HACD2: variants seen among roughly 807,000 people sequenced by gnomAD.
HACD2 encodes very-long-chain (3R)-3-hydroxyacyl-CoA dehydratase 2.
HACD2 carries 15 observed loss-of-function variants against 31.0 expected under a neutral mutation model. The ratio of observed to expected loss-of-function variants is 0.48; its 90% CI spans 0.32 to 0.75. The LOEUF is 0.75. Among genes scored for constraint, HACD2 ranks in the 30% least tolerant of loss-of-function variants. HACD2 has a pLI of 0.03. For synonymous variants in HACD2, 115 were observed against 122.2 expected, an observed-to-expected ratio of 0.94 and a Z score of 0.39; for missense variants, 283 against 313.0, an observed-to-expected ratio of 0.90 and a Z score of 0.72.
chr3:123,535,741 G>A (rs751592228), intron 3 of HACD2, among the ~76,000 whole-genome samples: 6 of 152,176 alleles, frequency 3.9e-5, no homozygotes, highest in Admixed American at 6.6e-5. Flanking sequence ...ACACTGAGTC[G>A]GAGACTGATA....
At chr3:123,531,405 C>T (rs1351740627) in intron 3 of HACD2, among the ~76,000 whole-genome samples, 8 of 152,046 alleles carry the variant, frequency 5.3e-5, no homozygotes, top group Non-Finnish European at 8.8e-5. Context: ...CTGCAACCTC[C>T]GCCTCCCAGG....
At chr3:123,582,042 C>A (rs1190034667) in intron 2 of HACD2, among the ~76,000 whole-genome samples, 170 bp downstream of exon 2, 1 of 152,098 alleles carries the variant, frequency 6.6e-6, no homozygotes, top group African/African-American at 2.4e-5. Context: ...GAGATTCTAC[C>A]CAATCTAGAA....
intron 4 of HACD2, among the ~76,000 whole-genome samples, chr3:123,504,316 C>G (rs960973310): frequency 6.6e-5 from 10 of 152,080 alleles, no homozygotes; most frequent in African/African-American, 2.4e-4. Context: ...ATAGGAAGTT[C>G]CTCTAATATT....
chr3:123,541,252 C>T (rs1001666149), intron 3 of HACD2, among the ~76,000 whole-genome samples: 3 of 152,076 alleles, frequency 2.0e-5, no homozygotes, highest in African/African-American at 7.2e-5. Flanking sequence ...GACTGGGCAA[C>T]AGAGTGAGAC....
intron 3 of HACD2, among the ~76,000 whole-genome samples, chr3:123,553,687 T>A (rs1323611146): frequency 6.6e-6 from 1 of 152,210 alleles, no homozygotes; most frequent in African/African-American, 2.4e-5. Context: ...CCACTGCATA[T>A]TTAGATATTC....
At chr3:123,574,448 A>C (rs2056887028) in intron 2 of HACD2, among the ~76,000 whole-genome samples, 1 of 152,320 alleles carries the variant, frequency 6.6e-6, no homozygotes, top group Non-Finnish European at 1.5e-5. Context: ...CATTTGTATA[A>C]ACATAAAAAA....
intron 4 of HACD2, among the ~76,000 whole-genome samples, chr3:123,511,065 T>C (rs765269040): frequency 2.0e-5 from 3 of 152,168 alleles, no homozygotes; most frequent in Non-Finnish European, 4.4e-5. Flanking sequence ...TTTCACGTGC[T>C]TATTGGCTGT....
intron 3 of HACD2, among the ~76,000 whole-genome samples, chr3:123,545,569 C>T (rs1310205152): frequency 4.6e-5 from 6 of 130,756 alleles, no homozygotes; most frequent in African/African-American, 1.1e-4. Context: ...AAAAAAAGAC[C>T]ACAACTTGAT....
chr3:123,559,558 T>C (rs1368332747), intron 3 of HACD2, among the ~76,000 whole-genome samples: 1 of 152,218 alleles, frequency 6.6e-6, no homozygotes. Context: ...TCCAATGCCC[T>C]CGTTTTTCAC....
intron 3 of HACD2, among the ~76,000 whole-genome samples, chr3:123,560,934 C>G (rs1237574623): frequency 1.3e-5 from 2 of 152,176 alleles, no homozygotes; most frequent in Non-Finnish European, 2.9e-5. Context: ...GGAATTCCCC[C>G]CTTCCCTCTA....
chr3:123,545,034 C>CA (rs71142743), intron 3 of HACD2, among the ~76,000 whole-genome samples: 14,092 of 44,412 alleles, frequency 0.32, 2,187 homozygotes, highest in East Asian at 0.61. Context: ...GACCCTGCCT[C>CA]AAAAAAAAAA....
intron 6 of HACD2, among the ~76,000 whole-genome samples, chr3:123,498,860 T>C (rs563331761): frequency 3.5e-4 from 54 of 152,270 alleles, no homozygotes; most frequent in Middle Eastern, 6.8e-3. Context: ...ACCCAGGCAC[T>C]GCCACTACAC....
intron 5 of HACD2, among the ~76,000 whole-genome samples, chr3:123,501,154 G>A (rs2055897638): frequency 6.6e-6 from 1 of 151,272 alleles, no homozygotes; most frequent in Non-Finnish European, 1.5e-5. Flanking sequence ...AATAGCATAA[G>A]CATCTGTATA....
At chr3:123,499,423 C>G (rs2055876081) in intron 6 of HACD2, 3 of 310,146 alleles carry the variant, frequency 9.7e-6, no homozygotes, top group South Asian at 8.7e-5. Flanking sequence ...CTAGAGAGGA[C>G]TCAACATGAA....
At chr3:123,501,069 G>A (rs1407898755) in intron 5 of HACD2, among the ~76,000 whole-genome samples, 1 of 152,114 alleles carries the variant, frequency 6.6e-6, no homozygotes, top group Non-Finnish European at 1.5e-5. Context: ...ATGGGGTTGG[G>A]GTGGTAGTGG....
At chr3:123,500,980 A>G (rs2055895442) in intron 5 of HACD2, among the ~76,000 whole-genome samples, 1 of 152,186 alleles carries the variant, frequency 6.6e-6, no homozygotes, top group Admixed American at 6.5e-5. Flanking sequence ...TAAAATAACT[A>G]AAGTGATGCC....
chr3:123,559,870 C>T (rs1232488493), intron 3 of HACD2, among the ~76,000 whole-genome samples: 1 of 152,206 alleles, frequency 6.6e-6, no homozygotes, highest in East Asian at 1.9e-4. Flanking sequence ...TTGGGTGCTG[C>T]TCACTGAGTG....
chr3:123,552,039 C>A (rs539242426), intron 3 of HACD2, among the ~76,000 whole-genome samples: 10 of 152,134 alleles, frequency 6.6e-5, no homozygotes, highest in Non-Finnish European at 1.3e-4. Context: ...CCTGAGGTCC[C>A]ACTGCAAATC....
chr3:123,562,794 C>T (rs1288950507), intron 3 of HACD2, among the ~76,000 whole-genome samples: 1 of 152,156 alleles, frequency 6.6e-6, no homozygotes, highest in Non-Finnish European at 1.5e-5. Context: ...AATATGTAAA[C>T]TAAAGGTATC....
Sources: allele counts gnomAD v4.1 joint callset (sites outside exome capture counted in the v4.1 genomes callset), GRCh38; gene constraint gnomAD v4.1.1; transcripts MANE v1.5; gene names NCBI Gene and HGNC (gene_info 2026-07-23, HGNC 2026-07-21).